Variants in DHRS2 observed in about 807,000 individuals in gnomAD.
The protein encoded by DHRS2 is dehydrogenase/reductase 2.
Under a neutral mutation model 26.3 loss-of-function variants are expected in DHRS2, and 29 were observed. The observed-to-expected ratio is 1.10, with a 90% CI of 0.82 to 1.50. The LOEUF (loss-of-function observed/expected upper bound fraction) is 1.50. DHRS2 is among the 40% of genes most tolerant of loss of function. DHRS2 has a pLI of 0.00. For synonymous variants in DHRS2, 164 were observed against 151.3 expected (o/e 1.08, Z -0.62); for missense variants, 439 against 367.1 (o/e 1.20, Z -1.60).
At position 23,642,791 on chromosome 14, in the gene DHRS2, C is replaced by T. The variant is rs142377601; in HGVS notation, c.421-361C>T. ...CTATGTTGCTCAGGCTGGTCTTGAA[C>T]TTTTGGCCTTGAGTAATCCTCCCAC... On this transcript the variant is annotated intron_variant, in intron 4 of 8. Transcript: ENST00000250383. 95 of 206,008 alleles carry T rather than the reference C, an allele frequency of 4.6e-4. 1 individual carries two copies. Among genetic ancestry groups the T allele is most frequent in the African/African-American group, 2.2e-3 (94 of 43,314 alleles). 12.8% of individuals were successfully genotyped at this position (206,008 alleles called of 1,614,324 possible).
At chr14:23,638,276 C>T (rs55824659) in intron 1 of DHRS2, 3,799 of 153,630 alleles carry the variant, frequency 0.025, 166 homozygotes, top group African/African-American at 0.089. Context: ...TGAACAACTC[C>T]GGATGGGAGG....
intron 4 of DHRS2, chr14:23,640,178 G>A (rs1890583113): frequency 3.5e-6 from 3 of 851,868 alleles, no homozygotes; most frequent in African/African-American, 3.6e-5. Flanking sequence ...TGTCTGCCAG[G>A]CACCACTATT....
At chr14:23,639,379 GAC>G (rs1328759714) in intron 3 of DHRS2, 23 bp downstream of exon 3, 1 of 1,549,282 alleles carries the variant, frequency 6.5e-7, no homozygotes, top group Non-Finnish European at 8.7e-7. Flanking sequence ...GCGGTGGAAG[GAC>G]ACAGAGAGGG....
chr14:23,643,280 ACAGTCGGTAGCACAGC>A, intron 5 of DHRS2, 61 bp downstream of exon 5: 1 of 1,495,850 alleles, frequency 6.7e-7, no homozygotes, highest in African/African-American at 1.4e-5. Flanking sequence ...GCACAGAAAT[ACAGTCGGTAGCACAGC>A]CAGTAGTGGG....
chr14:23,644,448 G>A lies in DHRS2; in HGVS notation c.580G>A (p.Gly194Ser), dbSNP rs1248660007. ...CAATGTCAGCAAGACAGCGCTGCTG[G>A]GTCTCACTAGAACACTGGCATTGGA... ...VYNVSKTALLGLTRTLALELA... is the reference protein window; with the variant it reads ...VYNVSKTALLSLTRTLALELA... Residue 194 changes from glycine to serine, a missense_variant, in exon 7 of 9, where the codon GGT (glycine) becomes AGT (serine). Transcript: ENST00000250383. 3.1e-6 allele frequency: 5 copies of A among 1,614,018 alleles called. No individual in the cohort carries two copies. In the African/African-American group the frequency reaches 6.7e-5, roughly 22 times the overall value.
At chr14:23,634,383 A>G (rs1294573637), upstream of DHRS2, among the ~76,000 whole-genome samples, 1 of 151,880 alleles carries the variant, frequency 6.6e-6, no homozygotes, top group Non-Finnish European at 1.5e-5. Flanking sequence ...CACCTTCTTA[A>G]TCATAACTGC....
chr14:23,637,563 A>G (rs1890385441), intron 1 of DHRS2, among the ~76,000 whole-genome samples: 11 of 152,116 alleles, frequency 7.2e-5, no homozygotes, highest in Admixed American at 7.2e-4. Flanking sequence ...GGGGCATAAC[A>G]TCTTTATAGG....
At chr14:23,643,006 C>G in intron 4 of DHRS2, 146 bp from the exon 5 acceptor site, 1 of 758,448 alleles carries the variant, frequency 1.3e-6, no homozygotes, top group South Asian at 1.6e-5. Flanking sequence ...ATACCTCTTG[C>G]ACCAGTCAGA....
In DHRS2 at chr14:23,638,844, G is replaced by A. The variant is rs748048295; in HGVS notation, c.-21G>A. The A allele has an allele frequency of 3.1e-6, 5 of 1,609,112 alleles. No homozygotes were observed. Among genetic ancestry groups the A allele is most frequent in the South Asian group, 2.2e-5 (2 of 90,608 alleles). On this transcript the variant is annotated 5_prime_UTR_variant, in exon 2 of 9. Coordinates refer to ENST00000250383, the MANE Select transcript of DHRS2 (RefSeq NM_005794.4). The stretch of plus-strand genomic sequence containing the variant: ...TCCCCCAGGCCTGATTCAGCAGGAA[G>A]CATCTCAGACACCAACCACTATGCT...
intron 1 of DHRS2, among the ~76,000 whole-genome samples, chr14:23,630,479 C>T (rs1049321685): frequency 2.6e-5 from 4 of 152,250 alleles, no homozygotes; most frequent in African/African-American, 9.6e-5. Flanking sequence ...CCCAAGTCAA[C>T]CCCTTATTTT....
At chr14:23,644,739 C>T (rs761466180) in intron 7 of DHRS2, 88 bp from the exon 8 acceptor site, 13 of 1,525,552 alleles carry the variant, frequency 8.5e-6, no homozygotes, top group Non-Finnish European at 1.1e-5. Context: ...GGCAAAGCTG[C>T]CCTAGGTGTT....
chr14:23,636,165 A>G (rs977003574), upstream of DHRS2, among the ~76,000 whole-genome samples: 8 of 152,140 alleles, frequency 5.3e-5, no homozygotes, highest in Non-Finnish European at 7.4e-5. Flanking sequence ...AAATGCACCA[A>G]TCAGCACTCT....
At chr14:23,641,728 C>G (rs1890680747) in intron 4 of DHRS2, 1 of 1,289,688 alleles carries the variant, frequency 7.8e-7, no homozygotes, top group Non-Finnish European at 1.0e-6. Context: ...TGGGGGTCAT[C>G]CCCCACACTG....
chr14:23,641,647 C>T (rs1890674789), intron 4 of DHRS2: 2 of 1,289,694 alleles, frequency 1.6e-6, no homozygotes, highest in African/African-American at 1.5e-5. Flanking sequence ...TAACCTAATC[C>T]TCAATTCCTT....
At chr14:23,642,302 C>A in intron 4 of DHRS2, 2 of 309,626 alleles carry the variant, frequency 6.5e-6, no homozygotes, top group Non-Finnish European at 9.4e-6. Context: ...CTGTAGGCAC[C>A]AACCTCACTC....
At position 23,639,781 on chromosome 14, in the gene DHRS2, C is replaced by G; in HGVS notation, c.319-13C>G. ...CAGGCCATCTCCACACTCATCCAATCTCCTCTCCGCAGGCCCTGGAGCACT... is the reference window on the plus strand; with the variant it reads ...CAGGCCATCTCCACACTCATCCAATGTCCTCTCCGCAGGCCCTGGAGCACT... On this transcript the variant is annotated splice_polypyrimidine_tract_variant and intron_variant, in intron 3 of 8. Coordinates refer to ENST00000250383, the MANE Select transcript of DHRS2 (RefSeq NM_005794.4). 1 of 1,595,918 alleles carries G rather than the reference C, an allele frequency of 6.3e-7. No homozygotes were observed. The highest frequency in any genetic ancestry group is 1.4e-5 in the African/African-American group (1 of 74,012).
chr14:23,634,825 C>T (rs1274805701), upstream of DHRS2, among the ~76,000 whole-genome samples: 2 of 152,072 alleles, frequency 1.3e-5, no homozygotes, highest in Admixed American at 1.3e-4. Context: ...CAGATTTCCC[C>T]CTTGCTGCTC....
At position 23,645,352 on chromosome 14, in the gene DHRS2, G is replaced by T. The variant is rs1302587826; in HGVS notation, c.*99G>T. ...ATCTGGAGGCAGAGTCTGCCATTCT[G>T]CCAGACTAGCAATTTGGGGGCTTAC... On this transcript the variant is annotated 3_prime_UTR_variant, in exon 9 of 9. Transcript: ENST00000250383. The T allele has an allele frequency of 3.1e-6, 5 of 1,597,424 alleles. No homozygotes were observed. The highest frequency in any genetic ancestry group is 4.3e-6 in the Non-Finnish European group (5 of 1,174,562).
chr14:23,642,237 C>T, intron 4 of DHRS2: 1 of 833,326 alleles, frequency 1.2e-6, no homozygotes, highest in Non-Finnish European at 1.5e-6. Context: ...TTACAGCCTG[C>T]ATTTTTATGA....
Sources: gnomAD v4.1 joint callset for allele counts (sites outside exome capture counted in the v4.1 genomes callset) on GRCh38, gnomAD v4.1.1 for gene constraint, MANE v1.5 for transcripts, NCBI Gene and HGNC (gene_info 2026-07-23, HGNC 2026-07-21) for gene names.